The following ERAP1 variants were observed in gnomAD, a reference collection of about 807,000 sequenced individuals.
ERAP1 encodes the protein adipocyte-derived leucine aminopeptidase.
A neutral mutation model predicts 103.7 loss-of-function variants in ERAP1; 86 were observed. The observed-to-expected ratio is 0.83, with a 90% CI of 0.70 to 0.99. The LOEUF is 0.99. Ranked by LOEUF, ERAP1 falls within the 50% of genes least tolerant of loss-of-function variation. The pLI is 0.00. For synonymous variants in ERAP1, 398 were observed against 402.4 expected, an observed-to-expected ratio of 0.99 and a Z score of 0.13; for missense variants, 1,009 against 1,128.4, an observed-to-expected ratio of 0.89 and a Z score of 1.52.
chr5:96,797,086 C>CA (rs1777424121), intron 4 of ERAP1, 89 bp downstream of exon 4: 1 of 1,509,082 alleles, frequency 6.6e-7, no homozygotes, highest in Non-Finnish European at 9.2e-7. Flanking sequence ...ACGCACGACC[C>CA]ACTGCGCTCA....
intron 1 of ERAP1, chr5:96,805,977 T>G (rs1227274280): frequency 1.3e-5 from 2 of 152,360 alleles, no homozygotes; most frequent in Admixed American, 6.5e-5. Context: ...TTTGCAGGGT[T>G]GGGTCCATGA....
At chr5:96,935,451 G>A in the ERAP1 span, 1 of 152,544 alleles carries the variant, frequency 6.6e-6, no homozygotes, top group African/African-American at 2.4e-5. Context: ...TCGGTCCTTC[G>A]AGCAGTGATC....
At chr5:96,887,847 C>T in the ERAP1 span, among the ~76,000 whole-genome samples, 3 of 152,034 alleles carry the variant, frequency 2.0e-5, no homozygotes, top group Non-Finnish European at 2.9e-5. Flanking sequence ...GGGCATAGGC[C>T]GGGCACAGTG....
At chr5:96,897,251 CTCTTA>C in the ERAP1 span, among the ~76,000 whole-genome samples, 1 of 152,232 alleles carries the variant, frequency 6.6e-6, no homozygotes, top group Non-Finnish European at 1.5e-5. Flanking sequence ...CTAATCTTCT[CTCTTA>C]TAAGAAGAAA....
At chr5:96,926,013 T>C in the ERAP1 span, among the ~76,000 whole-genome samples, 68,701 of 150,226 alleles carry the variant, frequency 0.46, 15,708 homozygotes, top group Non-Finnish European at 0.49. Flanking sequence ...CAGGTTCAAG[T>C]GATTCTCCTG....
chr5:96,763,267 C>T (rs80142466), intron 19 of ERAP1: 38 of 780,566 alleles, frequency 4.9e-5, no homozygotes, highest in Admixed American at 1.0e-4. Context: ...AAGCCCAGAC[C>T]TGGCCCCGGG....
intron 13 of ERAP1, among the ~76,000 whole-genome samples, chr5:96,784,626 G>A (rs1380374378): frequency 6.6e-6 from 1 of 152,120 alleles, no homozygotes; most frequent in Non-Finnish European, 1.5e-5. Flanking sequence ...AGCCGGAAAG[G>A]AAGCACATCA....
At chr5:96,830,369 A>G in the ERAP1 span, among the ~76,000 whole-genome samples, 43 of 152,304 alleles carry the variant, frequency 2.8e-4, no homozygotes, top group African/African-American at 1.0e-3. Context: ...TGCGTACCCA[A>G]TGATTCCCCC....
the ERAP1 span, among the ~76,000 whole-genome samples, chr5:96,815,422 T>A: frequency 4.6e-5 from 7 of 150,688 alleles, no homozygotes; most frequent in South Asian, 8.4e-4. Flanking sequence ...TTATTTTTTT[T>A]TTTTTTGAGA....
the ERAP1 span, chr5:96,895,197 T>C: frequency 1.7e-6 from 2 of 1,157,430 alleles, no homozygotes; most frequent in Non-Finnish European, 1.3e-6. Flanking sequence ...CTAAAGTTAA[T>C]AATTTTTATT....
At chr5:96,927,048 C>T in the ERAP1 span, among the ~76,000 whole-genome samples, 1 of 152,104 alleles carries the variant, frequency 6.6e-6, no homozygotes, top group African/African-American at 2.4e-5. Context: ...AACTCCTGAA[C>T]TCAAGTGATC....
At chr5:96,811,589 C>T (rs149708671), upstream of ERAP1, among the ~76,000 whole-genome samples, 65 of 152,332 alleles carry the variant, frequency 4.3e-4, no homozygotes, top group African/African-American at 1.4e-3. Context: ...ACCTTCCATT[C>T]AAGAGGACCA....
the ERAP1 span, chr5:96,913,579 A>C: frequency 5.9e-6 from 7 of 1,190,698 alleles, no homozygotes; most frequent in Non-Finnish European, 8.4e-6. Flanking sequence ...CAAATAGTTC[A>C]GTGGAGTCAA....
chr5:96,856,365 T>TATATATATATAGAG, the ERAP1 span, among the ~76,000 whole-genome samples: 40 of 20,372 alleles, frequency 2.0e-3, 1 homozygote, highest in African/African-American at 4.5e-3. Flanking sequence ...TATATATATA[T>TATATATATATAGAG]AGAGAGAGAG....
the ERAP1 span, among the ~76,000 whole-genome samples, chr5:96,856,847 C>T: frequency 2.6e-5 from 4 of 152,302 alleles, no homozygotes; most frequent in East Asian, 3.9e-4. Context: ...ACGCATTTCA[C>T]TTTTCTGCTG....
chr5:96,874,128 A>AAG, the ERAP1 span, among the ~76,000 whole-genome samples: 16 of 127,654 alleles, frequency 1.3e-4, no homozygotes, highest in African/African-American at 4.1e-4. Context: ...GAAAGAAAGA[A>AAG]AGAGAGAGAG....
the ERAP1 span, among the ~76,000 whole-genome samples, chr5:96,825,090 G>C: frequency 6.6e-6 from 1 of 152,126 alleles, no homozygotes; most frequent in East Asian, 1.9e-4. Flanking sequence ...CTATTTACTT[G>C]GTCATTGGTC....
the ERAP1 span, among the ~76,000 whole-genome samples, chr5:96,878,312 C>G: frequency 6.6e-6 from 1 of 152,130 alleles, no homozygotes; most frequent in Non-Finnish European, 1.5e-5. Context: ...GGATAAATAC[C>G]TACCTTGACC....
chr5:96,807,195 G>T (rs1257894904), intron 1 of ERAP1, among the ~76,000 whole-genome samples: 1 of 152,164 alleles, frequency 6.6e-6, no homozygotes, highest in Non-Finnish European at 1.5e-5. Context: ...TTTAATTTGC[G>T]TCAACAGAGG....
Sources: allele counts gnomAD v4.1 joint callset (sites outside exome capture counted in the v4.1 genomes callset), GRCh38; gene constraint gnomAD v4.1.1; transcripts MANE v1.5; gene names NCBI Gene and HGNC (gene_info 2026-07-23, HGNC 2026-07-21).